RHBDD1: variants seen among roughly 807,000 people sequenced by gnomAD.
RHBDD1 encodes rhomboid domain containing 1.
Under a neutral mutation model 36.3 loss-of-function variants are expected in RHBDD1, and 38 were observed. The ratio of observed to expected loss-of-function variants is 1.05; its 90% CI spans 0.81 to 1.37. The LOEUF is 1.37. RHBDD1 is among the 40% of genes most tolerant of loss of function. RHBDD1 has a pLI of 0.00. For synonymous variants in RHBDD1, 151 were observed against 136.5 expected (o/e 1.11, Z -0.74); for missense variants, 393 against 377.6 (o/e 1.04, Z -0.34).
At chr2:226,865,737 C>G (rs1001418482) in intron 4 of RHBDD1, among the ~76,000 whole-genome samples, 1 of 152,210 alleles carries the variant, frequency 6.6e-6, no homozygotes, top group African/African-American at 2.4e-5. Flanking sequence ...ACATGAATCA[C>G]TGGGCAAAGC....
At chr2:226,886,295 G>T (rs17349847) in intron 5 of RHBDD1, among the ~76,000 whole-genome samples, 1 of 152,264 alleles carries the variant, frequency 6.6e-6, no homozygotes, top group African/African-American at 2.4e-5. Context: ...TGAAGCCAGC[G>T]TTTGGGGTGT....
chr2:226,932,862 G>A (rs1950111231), intron 8 of RHBDD1, among the ~76,000 whole-genome samples: 1 of 151,918 alleles, frequency 6.6e-6, no homozygotes, highest in South Asian at 2.1e-4. Flanking sequence ...GCTCCCCAAG[G>A]GAAATGGTGG....
chr2:226,808,081 G>C, the RHBDD1 span, among the ~76,000 whole-genome samples: 1 of 152,134 alleles, frequency 6.6e-6, no homozygotes, highest in East Asian at 1.9e-4. Flanking sequence ...CAGGGGTAGT[G>C]GCAGAAGCAG....
intron 8 of RHBDD1, among the ~76,000 whole-genome samples, chr2:226,978,387 T>G (rs984287490): frequency 1.3e-5 from 2 of 152,182 alleles, no homozygotes; most frequent in Non-Finnish European, 2.9e-5. Context: ...GGGAAACATG[T>G]GTGTACTGGT....
intron 7 of RHBDD1, among the ~76,000 whole-genome samples, chr2:226,912,472 C>T (rs1327504129): frequency 6.6e-6 from 1 of 152,002 alleles, no homozygotes; most frequent in East Asian, 1.9e-4. Flanking sequence ...TCAGTTGACA[C>T]ATGGATAAAC....
intron 8 of RHBDD1, among the ~76,000 whole-genome samples, chr2:226,967,317 G>T (rs1434698603): frequency 6.6e-6 from 1 of 152,110 alleles, no homozygotes; most frequent in South Asian, 2.1e-4. Context: ...AGTACTTGTT[G>T]AATTAATAAA....
chr2:226,883,488 G>A (rs567115141), intron 5 of RHBDD1, among the ~76,000 whole-genome samples: 11 of 152,336 alleles, frequency 7.2e-5, no homozygotes, highest in African/African-American at 2.6e-4. Context: ...GAATAACAGA[G>A]AAGAGCGGTA....
intron 8 of RHBDD1, among the ~76,000 whole-genome samples, chr2:226,979,132 G>T (rs1955137158): frequency 6.6e-6 from 1 of 152,152 alleles, no homozygotes; most frequent in Non-Finnish European, 1.5e-5. Flanking sequence ...AAGGAAACCT[G>T]CAGCGCAGCC....
intron 8 of RHBDD1, among the ~76,000 whole-genome samples, chr2:226,954,530 AGTTGCTTT>A: frequency 1.3e-5 from 2 of 152,310 alleles, no homozygotes; most frequent in Non-Finnish European, 2.9e-5. Flanking sequence ...CTAGCAAACA[AGTTGCTTT>A]GTTCTTTCAA....
intron 3 of RHBDD1, among the ~76,000 whole-genome samples, chr2:226,847,321 A>G (rs1415797632): frequency 2.0e-5 from 3 of 152,130 alleles, no homozygotes; most frequent in African/African-American, 2.4e-5. Flanking sequence ...CATGCATGCT[A>G]TTTTCTTTCT....
chr2:226,890,436 A>G (rs1946589624), intron 5 of RHBDD1, among the ~76,000 whole-genome samples: 3 of 152,218 alleles, frequency 2.0e-5, no homozygotes, highest in Admixed American at 2.0e-4. Flanking sequence ...GAACATCTGC[A>G]TTAGTATTTC....
At chr2:226,847,620 A>C (rs771069243) in intron 3 of RHBDD1, among the ~76,000 whole-genome samples, 2 of 152,210 alleles carry the variant, frequency 1.3e-5, no homozygotes, top group Non-Finnish European at 2.9e-5. Context: ...GAGATTTTGC[A>C]TGAGAAACAT....
chr2:226,816,384 A>AAAG, the RHBDD1 span, among the ~76,000 whole-genome samples: 17 of 151,436 alleles, frequency 1.1e-4, no homozygotes, highest in African/African-American at 3.6e-4. Flanking sequence ...GCAAAAAAAA[A>AAAG]AAAAAAAAAA....
chr2:226,984,124 TG>T (rs1217161298), intron 8 of RHBDD1, among the ~76,000 whole-genome samples: 1 of 152,220 alleles, frequency 6.6e-6, no homozygotes, highest in Non-Finnish European at 1.5e-5. Context: ...AAAGCACATC[TG>T]TTCACCGCTC....
chr2:226,826,772 G>A, the RHBDD1 span, among the ~76,000 whole-genome samples: 9 of 151,566 alleles, frequency 5.9e-5, no homozygotes, highest in Non-Finnish European at 1.0e-4. Context: ...TGCCTGCCTC[G>A]GCCTCCCACA....
chr2:226,868,553 G>A (rs1016128845), intron 5 of RHBDD1, among the ~76,000 whole-genome samples: 1 of 152,210 alleles, frequency 6.6e-6, no homozygotes, highest in African/African-American at 2.4e-5. Flanking sequence ...CTGGACGTTG[G>A]CAAAGGGTGA....
At chr2:226,936,465 T>C (rs1950335966) in intron 8 of RHBDD1, among the ~76,000 whole-genome samples, 1 of 152,156 alleles carries the variant, frequency 6.6e-6, no homozygotes, top group Admixed American at 6.6e-5. Flanking sequence ...AAACTGACCT[T>C]ACTAGTTATC....
intron 3 of RHBDD1, among the ~76,000 whole-genome samples, chr2:226,848,483 G>C (rs1942457404): frequency 6.6e-6 from 1 of 152,132 alleles, no homozygotes; most frequent in Admixed American, 6.6e-5. Context: ...GACACATAAA[G>C]ATACTGGAAG....
chr2:226,816,656 C>T, the RHBDD1 span, among the ~76,000 whole-genome samples: 15 of 152,248 alleles, frequency 9.9e-5, no homozygotes, highest in African/African-American at 2.4e-4. Flanking sequence ...AGCACTTTGG[C>T]GGGCCAAGGT....
Sources: allele counts gnomAD v4.1 joint callset (sites outside exome capture counted in the v4.1 genomes callset), GRCh38; gene constraint gnomAD v4.1.1; transcripts MANE v1.5; gene names NCBI Gene and HGNC (gene_info 2026-07-23, HGNC 2026-07-21).